Variants in SAMM50 observed in about 807,000 individuals in gnomAD.
The protein encoded by SAMM50 is sorting and assembly machinery component 50 homolog.
SAMM50 carries 47 observed loss-of-function variants against 66.9 expected under a neutral mutation model. The observed-to-expected ratio is 0.70, with a 90% CI of 0.56 to 0.90. The LOEUF is 0.90. Among genes scored for constraint, SAMM50 ranks in the 40% least tolerant of loss-of-function variants. The pLI is 0.00. For synonymous variants in SAMM50, 191 were observed against 214.1 expected (o/e 0.89, Z 0.94); for missense variants, 535 against 595.3 (o/e 0.90, Z 1.05).
chr22:43,981,110 G>C (rs1249874345), intron 10 of SAMM50, among the ~76,000 whole-genome samples: 2 of 152,248 alleles, frequency 1.3e-5, no homozygotes, highest in East Asian at 1.9e-4. Flanking sequence ...TCCCGTTGCA[G>C]AGCAGGGGCC....
In SAMM50 at chr22:43,968,830, G is replaced by A. The variant is rs1176028572; in HGVS notation, c.322+12G>A. On this transcript the variant is annotated intron_variant, in intron 4 of 14. Coordinates refer to ENST00000350028, the MANE Select transcript of SAMM50 (RefSeq NM_015380.5). Reference sequence around the variant, plus strand: ...TGACACATGTCAAGGTACATATTGTGGTGTAGTATCTTTATAATTCCCTTT... The same window carrying A: ...TGACACATGTCAAGGTACATATTGTAGTGTAGTATCTTTATAATTCCCTTT... The A allele has an allele frequency of 1.3e-6, 2 of 1,576,536 alleles. No homozygotes were observed. The highest frequency in any genetic ancestry group is 3.3e-5 in the Admixed American group (2 of 59,912).
intron 14 of SAMM50, among the ~76,000 whole-genome samples, chr22:43,993,991 G>A (rs565162371): frequency 6.6e-6 from 1 of 152,340 alleles, no homozygotes; most frequent in South Asian, 2.1e-4. Flanking sequence ...CCGGTCTCTG[G>A]AGACACAGGG....
Position 43,981,411 on chromosome 22 carries a change from G to C in SAMM50, c.957G>C (p.Trp319Cys). ...AACAGGTTTTTTCAGCGTCTTTCTGGGGCGGAATGTTGGTACCCATTGGTG... is the reference window on the plus strand; with the variant it reads ...AACAGGTTTTTTCAGCGTCTTTCTGCGGCGGAATGTTGGTACCCATTGGTG... ...IFDSVFSASF[W>C]GGMLVPIGDK... Residue 319 changes from tryptophan to cysteine, a missense_variant, in exon 11 of 15, where the codon TGG becomes TGC. Physicochemically the swap from Trp to Cys is radical, Grantham distance 215 (BLOSUM62 -2). Transcript: ENST00000350028. The C allele has an allele frequency of 6.2e-7, 1 of 1,613,770 alleles. No individual in the cohort carries two copies. The highest frequency in any genetic ancestry group is 8.5e-7 in the Non-Finnish European group (1 of 1,179,754).
At chr22:43,971,811 A>G (rs986296550) in intron 4 of SAMM50, among the ~76,000 whole-genome samples, 9 of 152,116 alleles carry the variant, frequency 5.9e-5, no homozygotes, top group African/African-American at 2.2e-4. Context: ...GCTGGGCTCA[A>G]GTGATCTTCT....
chr22:43,982,522 C>T (rs147099344), intron 11 of SAMM50, among the ~76,000 whole-genome samples: 1,655 of 152,298 alleles, frequency 0.011, 13 homozygotes, highest in Middle Eastern at 0.02. Flanking sequence ...AAAACAGTGA[C>T]GGTGGGCACC....
At chr22:43,981,279 G>A (rs898901791) in intron 10 of SAMM50, 112 bp from the exon 11 acceptor site, 26 of 819,480 alleles carry the variant, frequency 3.2e-5, no homozygotes, top group Middle Eastern at 4.5e-4. Context: ...GCACCCCATC[G>A]CGGAGCTCTG....
rs2294922 is a variant in SAMM50, at chr22:43,983,685, G to C, written c.1008-248G>C. Reference sequence around the variant, plus strand: ...TTGCCCTGCCCCTCTCTCCTAGTGTGTTTCTTGGCATCTTGTGTCTCACCT... The same window carrying C: ...TTGCCCTGCCCCTCTCTCCTAGTGTCTTTCTTGGCATCTTGTGTCTCACCT... On this transcript the variant is annotated intron_variant, in intron 11 of 14. Transcript: ENST00000350028. The surrounding 1 kb of genome is among the most constrained non-coding windows in gnomAD (Gnocchi z 4.2). Among the ~76,000 whole-genome samples the C allele has an allele frequency of 0.3, 45,561 of 151,992 alleles. 7,650 individuals carry two copies. Among genetic ancestry groups the C allele is most frequent in the African/African-American group, 0.45 (18,528 of 41,444 alleles).
At chr22:43,957,734 A>G (rs2050127360) in intron 1 of SAMM50, among the ~76,000 whole-genome samples, 1 of 151,808 alleles carries the variant, frequency 6.6e-6, no homozygotes, top group Admixed American at 6.6e-5. Flanking sequence ...AATTATAACT[A>G]CATTTCTGTC....
At chr22:43,982,119 C>T (rs2235776) in intron 11 of SAMM50, among the ~76,000 whole-genome samples, 35,938 of 152,026 alleles carry the variant, frequency 0.24, 5,073 homozygotes, top group East Asian at 0.38. Flanking sequence ...TTTTTTCAAC[C>T]CTGCATTAGT....
chr22:43,976,857 G>C, intron 9 of SAMM50, 36 bp downstream of exon 9: 1 of 1,503,588 alleles, frequency 6.7e-7, no homozygotes, highest in Non-Finnish European at 9.2e-7. Context: ...TGCAGGGTGA[G>C]GGGAGCCAAA....
In SAMM50 at chr22:43,964,516, A is replaced by G; in HGVS notation, c.197A>G (p.Glu66Gly). ...ACTAAAGATGATATCATCATTTGTG[A>G]AATTGGAGATGTTTTCAAGGCCAAA... Reference protein sequence around the residue: ...GRTKDDIIICEIGDVFKAKNL... With the variant: ...GRTKDDIIICGIGDVFKAKNL... The change falls in exon 3 of 15, where the codon GAA becomes GGA. Residue 66 changes from glutamate (E) to glycine (G), a missense_variant. By Grantham distance (98) the Glu-to-Gly change is moderately conservative. Transcript: ENST00000350028. 6.2e-7 allele frequency: 1 copy of G among 1,612,070 alleles called. No homozygotes were observed. The highest frequency in any genetic ancestry group is 8.5e-7 in the Non-Finnish European group (1 of 1,178,200).
At chr22:43,965,797 G>C (rs1265582341) in intron 3 of SAMM50, among the ~76,000 whole-genome samples, 1 of 151,724 alleles carries the variant, frequency 6.6e-6, no homozygotes, top group Non-Finnish European at 1.5e-5. Flanking sequence ...TCTGTTGGCT[G>C]TGTGGTACCT....
At position 43,978,636 on chromosome 22, in the gene SAMM50, A is replaced by AT. The variant is rs111610126; in HGVS notation, c.936+693dup. Among the ~76,000 whole-genome samples, 286 of 141,976 alleles carry AT rather than the reference A, an allele frequency of 2.0e-3. 4 individuals carry two copies. Among genetic ancestry groups the AT allele is most frequent in the East Asian group, 9.2e-3 (45 of 4,876 alleles). The allele number at this position is 141,976 out of a possible 152,430, so 93.1% of individuals were successfully genotyped here. A position where few individuals can be genotyped will look rare whatever the true frequency, so the allele number is the denominator to read the frequency against. ...TACAGGGCTCTGGGTGCTTTCAGAA[A>AT]TTTTTTTTTTTTTTTAATCTTTAGT... On this transcript the variant is annotated intron_variant, in intron 10 of 14. Coordinates refer to ENST00000350028, the MANE Select transcript of SAMM50 (RefSeq NM_015380.5).
intron 10 of SAMM50, among the ~76,000 whole-genome samples, chr22:43,980,159 TCCATTCACCCAC>T (rs2050257055): frequency 7.1e-5 from 1 of 14,074 alleles, no homozygotes; most frequent in African/African-American, 4.1e-4. Context: ...CATCCATCCA[TCCATTCACCCAC>T]CCACCCACCC....
chr22:43,961,496 C>G (rs2050146896), intron 1 of SAMM50, among the ~76,000 whole-genome samples: 1 of 152,150 alleles, frequency 6.6e-6, no homozygotes, highest in African/African-American at 2.4e-5. Context: ...GTCACCTAGG[C>G]TAGAGTGCAG....
rs554184399 is a variant in SAMM50, at chr22:43,976,406, C to G, written c.777+223C>G. Among the ~76,000 whole-genome samples the G allele has an allele frequency of 3.5e-4, 53 of 152,302 alleles. 1 individual carries two copies. Among genetic ancestry groups the G allele is most frequent in the African/African-American group, 1.2e-3 (51 of 41,556 alleles). On this transcript the variant is annotated intron_variant, in intron 8 of 14. Transcript: ENST00000350028. ...AGGAAGAGGTGTGCTTCAGAGCTGA[C>G]TGTGGAATTTCAGCTTTCAAAAAGA...
chr22:43,985,930 T>G (rs1471223906), intron 12 of SAMM50, among the ~76,000 whole-genome samples: 1 of 151,820 alleles, frequency 6.6e-6, no homozygotes, highest in Non-Finnish European at 1.5e-5. Context: ...CTTTGGACAT[T>G]GAGTTTGTGT....
chr22:43,973,026 G>GTACAC (rs751312214), intron 6 of SAMM50, 25 bp downstream of exon 6: 30 of 1,583,396 alleles, frequency 1.9e-5, no homozygotes, highest in Non-Finnish European at 2.4e-5. Flanking sequence ...AGATCATTGA[G>GTACAC]TACACTGGCC....
chr22:43,973,189 T>A (rs753742813), intron 6 of SAMM50, 47 bp from the exon 7 acceptor site: 14 of 1,370,282 alleles, frequency 1.0e-5, no homozygotes, highest in Non-Finnish European at 1.4e-5. Context: ...GTGTGCAAGT[T>A]CTAATCACTG....
Sources: gnomAD v4.1 joint callset for allele counts (sites outside exome capture counted in the v4.1 genomes callset) on GRCh38, gnomAD v4.1.1 for gene constraint, Gnocchi (gnomAD v3.1) non-coding constraint, MANE v1.5 for transcripts, NCBI Gene and HGNC (gene_info 2026-07-23, HGNC 2026-07-21) for gene names.